FXYD7: variants seen among roughly 807,000 people sequenced by gnomAD.
FXYD7 encodes the protein FXYD domain containing ion transport regulator 7.
FXYD7 carries 7 observed loss-of-function variants against 15.3 expected under a neutral mutation model. That is an observed-to-expected ratio of 0.46 (90% confidence interval 0.26 to 0.86). The LOEUF (loss-of-function observed/expected upper bound fraction) is 0.86, where lower values mean the gene tolerates loss of function less well. Among genes scored for constraint, FXYD7 ranks in the 40% least tolerant of loss-of-function variants. The pLI is 0.16. For synonymous variants in FXYD7, 39 were observed against 39.3 expected (o/e 0.99, Z 0.03); for missense variants, 78 against 100.6 (o/e 0.78, Z 0.96).
At chr19:35,153,749 G>A in intron 5 of FXYD7, 145 bp from the exon 6 acceptor site, 1 of 710,212 alleles carries the variant, frequency 1.4e-6, no homozygotes, top group Non-Finnish European at 2.5e-6. Context: ...AGTGTGGGAG[G>A]CAAGACAGCT....
chr19:35,146,929 T>C (rs1011996791), intron 1 of FXYD7, among the ~76,000 whole-genome samples: 1 of 152,190 alleles, frequency 6.6e-6, no homozygotes, highest in Non-Finnish European at 1.5e-5. Context: ...GGCTACAGCA[T>C]GCTGTGGTAA....
At chr19:35,146,177 A>G (rs4583374) in intron 1 of FXYD7, among the ~76,000 whole-genome samples, 146,374 of 151,976 alleles carry the variant, frequency 0.96, 70,538 homozygotes, top group East Asian at 1. Flanking sequence ...TCGCTCTGTC[A>G]TCCAGGCTGG....
At chr19:35,151,838 G>A (rs1474779822) in intron 5 of FXYD7, among the ~76,000 whole-genome samples, 165 bp downstream of exon 5, 1 of 152,078 alleles carries the variant, frequency 6.6e-6, no homozygotes, top group Non-Finnish European at 1.5e-5. Flanking sequence ...AAATTCCGCA[G>A]ATGAAAGATG....
At chr19:35,152,134 C>CAAAAAAGAAAAAAAAAAAAAAAAAAAA (rs2065313028) in intron 5 of FXYD7, among the ~76,000 whole-genome samples, 1 of 45,138 alleles carries the variant, frequency 2.2e-5, no homozygotes, top group African/African-American at 8.7e-5. Context: ...GTGAGACTGT[C>CAAAAAAGAAAAAAAAAAAAAAAAAAAA]AAAAAAAAAA....
intron 2 of FXYD7, chr19:35,149,044 C>G: frequency 1.9e-6 from 1 of 526,924 alleles, no homozygotes; most frequent in Admixed American, 2.2e-5. Context: ...GATTTGAATC[C>G]TGCCTTATCC....
At chr19:35,148,554 C>A in intron 1 of FXYD7, 140 bp from the exon 2 acceptor site, 1 of 686,366 alleles carries the variant, frequency 1.5e-6, no homozygotes, top group Non-Finnish European at 2.4e-6. Flanking sequence ...GAGGCCACAT[C>A]ATCCAAACCA....
rs566804609 is a variant in FXYD7 at position 35,154,092 on chromosome 19, A to G, written c.*176A>G. 1.1e-3 allele frequency: 649 copies of G among 587,842 alleles called. 1 individual carries two copies. The highest frequency in any genetic ancestry group is 2.3e-3 in the Middle Eastern group (5 of 2,206). The allele number at this position is 587,842 out of a possible 1,614,324, so 36.4% of individuals were successfully genotyped here. A position where few individuals can be genotyped will look rare whatever the true frequency, so the allele number is the denominator to read the frequency against. On this transcript the variant is annotated 3_prime_UTR_variant, in exon 6 of 6. Coordinates refer to ENST00000270310, the MANE Select transcript of FXYD7 (RefSeq NM_022006.2). ...TGTCCCTCTCCAGGCCTTGGCAATG[A>G]CGATCCCCCAAAGAGCCCGTCTGCA... is the stretch of plus-strand genomic sequence containing the variant.
chr19:35,149,399 AT>A (rs2065301900), intron 2 of FXYD7: 2 of 247,200 alleles, frequency 8.1e-6, no homozygotes, highest in African/African-American at 4.4e-5. Flanking sequence ...GCTCCCCCTT[AT>A]TCAGGCCTCA....
intron 1 of FXYD7, among the ~76,000 whole-genome samples, chr19:35,145,687 C>T (rs549325052): frequency 7.9e-5 from 12 of 152,316 alleles, no homozygotes; most frequent in Non-Finnish European, 1.0e-4. Flanking sequence ...ACCATCTTGG[C>T]GCTTTTGAGT....
At chr19:35,151,524 T>C in intron 4 of FXYD7, 42 bp downstream of exon 4, 1 of 1,604,594 alleles carries the variant, frequency 6.2e-7, no homozygotes, top group Non-Finnish European at 8.5e-7. Flanking sequence ...GGCCTCGGGG[T>C]GCCTCCCTAG....
chr19:35,154,005 C>G lies in FXYD7; in HGVS notation c.*89C>G, dbSNP rs530217114. 1.7e-4 allele frequency: 225 copies of G among 1,306,876 alleles called. No individual in the cohort carries two copies. In the African/African-American group the frequency reaches 2.9e-3, roughly 17 times the overall value. 81.0% of individuals were successfully genotyped at this position (1,306,876 alleles called of 1,614,324 possible). On this transcript the variant is annotated 3_prime_UTR_variant, in exon 6 of 6. Transcript: ENST00000270310. ...AGGCGGTGGGGACCCAGCCGCGCGC[C>G]GGGAGCGCTCCCCGGAATGAGCCGC...
intron 1 of FXYD7, among the ~76,000 whole-genome samples, chr19:35,148,095 G>GAAAGAAAGAA (rs1369233426): frequency 1.3e-4 from 17 of 134,102 alleles, no homozygotes; most frequent in Admixed American, 2.3e-4. Context: ...AAGAAAGAAA[G>GAAAGAAAGAA]AGAGAGAGAA....
chr19:35,148,827 G>A (rs1472737004), intron 2 of FXYD7, 104 bp downstream of exon 2: 1 of 1,006,528 alleles, frequency 9.9e-7, no homozygotes, highest in Non-Finnish European at 1.6e-6. Context: ...TACGTGCTGG[G>A]CCACTGGCCA....
At position 35,153,952 on chromosome 19, in the gene FXYD7, T is replaced by A; in HGVS notation, c.*36T>A. 6.2e-7 allele frequency: 1 copy of A among 1,605,056 alleles called. No individual in the cohort carries two copies. The highest frequency in any genetic ancestry group is 8.5e-7 in the Non-Finnish European group (1 of 1,174,788). Reference sequence around the variant, plus strand: ...AGGAAACTCCGCTGCCGACCCTGCCTGAGCGCGGGAGCCTGAGGACCGGGT... The same window carrying A: ...AGGAAACTCCGCTGCCGACCCTGCCAGAGCGCGGGAGCCTGAGGACCGGGT... On this transcript the variant is annotated 3_prime_UTR_variant, in exon 6 of 6. Transcript: ENST00000270310.
At chr19:35,151,783 G>T (rs1279020557) in intron 5 of FXYD7, 110 bp downstream of exon 5, 2 of 773,454 alleles carry the variant, frequency 2.6e-6, no homozygotes, top group East Asian at 2.5e-5. Context: ...CGGAGGGGGG[G>T]TGGTGCCTGC....
intron 1 of FXYD7, among the ~76,000 whole-genome samples, chr19:35,144,661 A>C (rs993064737): frequency 7.3e-6 from 1 of 137,862 alleles, no homozygotes; most frequent in Non-Finnish European, 1.6e-5. Flanking sequence ...GGGGGGCTGC[A>C]GAGGCTGGAA....
intron 1 of FXYD7, among the ~76,000 whole-genome samples, chr19:35,148,026 G>A (rs201007721): frequency 3.3e-4 from 29 of 88,500 alleles, no homozygotes; most frequent in South Asian, 8.5e-4. Flanking sequence ...GAAGAAAGAA[G>A]GAAAGAAAGA....
In FXYD7 at chr19:35,154,012, G is replaced by C. The variant is rs1047084192; in HGVS notation, c.*96G>C. The C allele has an allele frequency of 1.6e-6, 2 of 1,250,616 alleles. No individual in the cohort carries two copies. The highest frequency in any genetic ancestry group is 2.4e-5 in the East Asian group (1 of 42,118). 77.5% of individuals were successfully genotyped at this position (1,250,616 alleles called of 1,614,324 possible). ...GGGGACCCAGCCGCGCGCCGGGAGCGCTCCCCGGAATGAGCCGCCCCACCC... is the reference window on the plus strand; with the variant it reads ...GGGGACCCAGCCGCGCGCCGGGAGCCCTCCCCGGAATGAGCCGCCCCACCC... On this transcript the variant is annotated 3_prime_UTR_variant, in exon 6 of 6. Transcript: ENST00000270310.
intron 1 of FXYD7, among the ~76,000 whole-genome samples, chr19:35,144,166 GAGA>G (rs1439617659): frequency 6.6e-6 from 1 of 152,080 alleles, no homozygotes; most frequent in Non-Finnish European, 1.5e-5. Context: ...GGAGTAGAAA[GAGA>G]AGAAGGGAGC....
Sources: allele counts gnomAD v4.1 joint callset (sites outside exome capture counted in the v4.1 genomes callset), GRCh38; gene constraint gnomAD v4.1.1; transcripts MANE v1.5; gene names NCBI Gene and HGNC (gene_info 2026-07-23, HGNC 2026-07-21).